The following HERC3 variants were observed in gnomAD, a reference collection of about 807,000 sequenced individuals.
The protein encoded by HERC3 is probable E3 ubiquitin-protein ligase HERC3.
In HERC3, 58 loss-of-function variants were observed where a neutral mutation model predicts 129.9. That is an observed-to-expected ratio of 0.45 (90% CI 0.36 to 0.56). The LOEUF (loss-of-function observed/expected upper bound fraction) is 0.56, where lower values mean the gene tolerates loss of function less well. HERC3 is among the 20% of genes least tolerant of loss of function. The probability of loss-of-function intolerance (pLI) is 0.00; values close to 1 mark genes in which losing one functional copy is unlikely to be tolerated. For synonymous variants in HERC3, 430 were observed against 451.0 expected (o/e 0.95, Z 0.59); for missense variants, 835 against 1,244.2 (o/e 0.67, Z 4.95).
chr4:88,704,843 G>A (rs1347597420), intron 25 of HERC3, among the ~76,000 whole-genome samples: 2 of 145,672 alleles, frequency 1.4e-5, no homozygotes, highest in Non-Finnish European at 1.5e-5. Context: ...GCATCTCACT[G>A]ATTTTTCTTT....
chr4:88,681,614 T>C (rs6820755), intron 21 of HERC3, among the ~76,000 whole-genome samples: 10,783 of 152,284 alleles, frequency 0.071, 574 homozygotes, highest in African/African-American at 0.15. Context: ...AACCCATGGA[T>C]TGGAAAAGTT....
chr4:88,594,475 C>T (rs1722117728), intron 1 of HERC3, among the ~76,000 whole-genome samples: 1 of 152,140 alleles, frequency 6.6e-6, no homozygotes, highest in Non-Finnish European at 1.5e-5. Context: ...GCGATCTCGG[C>T]TCACTGCAAC....
intron 2 of HERC3, among the ~76,000 whole-genome samples, chr4:88,602,678 C>T (rs919083779): frequency 6.6e-6 from 1 of 152,100 alleles, no homozygotes; most frequent in African/African-American, 2.4e-5. Flanking sequence ...TAAGGTCTCA[C>T]TGTGTTGCCC....
At chr4:88,692,276 G>T (rs914157890) in intron 23 of HERC3, among the ~76,000 whole-genome samples, 1 of 144,632 alleles carries the variant, frequency 6.9e-6, no homozygotes, top group African/African-American at 2.6e-5. Flanking sequence ...TTAATTTGAT[G>T]CAATCAAATT....
At chr4:88,529,900 T>C in the HERC3 span, among the ~76,000 whole-genome samples, 1 of 152,312 alleles carries the variant, frequency 6.6e-6, no homozygotes, top group Non-Finnish European at 1.5e-5. Context: ...AAGAATACTT[T>C]ATTTCAAAAC....
chr4:88,588,637 A>T (rs1477148414), upstream of HERC3, among the ~76,000 whole-genome samples: 1 of 152,240 alleles, frequency 6.6e-6, no homozygotes, highest in East Asian at 1.9e-4. Flanking sequence ...TTCATCCAAG[A>T]TATCAGAAAT....
At chr4:88,588,189 A>G (rs1050063353), upstream of HERC3, among the ~76,000 whole-genome samples, 2 of 152,264 alleles carry the variant, frequency 1.3e-5, no homozygotes, top group African/African-American at 4.8e-5. Context: ...CAAGGAAGAT[A>G]GAGAAATAAT....
the HERC3 span, among the ~76,000 whole-genome samples, chr4:88,569,003 A>G: frequency 2.0e-5 from 3 of 151,992 alleles, no homozygotes; most frequent in Non-Finnish European, 4.4e-5. Context: ...CCCCAAGTCC[A>G]CTGGTTCTGA....
chr4:88,660,131 A>C (rs909511763), intron 10 of HERC3, among the ~76,000 whole-genome samples: 7 of 152,182 alleles, frequency 4.6e-5, no homozygotes, highest in Non-Finnish European at 8.8e-5. Context: ...ACAGAGGCTG[A>C]TCAAATCATA....
chr4:88,548,365 A>G, the HERC3 span, among the ~76,000 whole-genome samples: 9 of 152,130 alleles, frequency 5.9e-5, no homozygotes, highest in African/African-American at 2.2e-4. Context: ...TCTTGTTATT[A>G]TCTTGTCTCC....
chr4:88,669,904 G>A lies in HERC3; in HGVS notation c.1678G>A (p.Val560Ile), dbSNP rs1188164793. 3 of 1,613,700 alleles carry A rather than the reference G, an allele frequency of 1.9e-6. No individual in the cohort carries two copies. Among genetic ancestry groups the A allele is most frequent in the Non-Finnish European group, 2.5e-6 (3 of 1,179,720 alleles). The change falls in exon 15 of 26, where the codon GTA (valine) becomes ATA (isoleucine). Residue 560 changes from valine to isoleucine, a missense_variant. Coordinates refer to ENST00000402738, the MANE Select transcript of HERC3 (RefSeq NM_014606.3). ...QVCPKYFMKLVNLYKGAVLYL... is the reference protein window; with the variant it reads ...QVCPKYFMKLINLYKGAVLYL... ...ATGCCCGAAATATTTCATGAAGCTG[G>A]TAAACCTCTATAAAGGTGCAGTCCT... is the stretch of plus-strand genomic sequence containing the variant.
chr4:88,693,901 A>G (rs1312693298), intron 23 of HERC3, among the ~76,000 whole-genome samples: 1 of 152,218 alleles, frequency 6.6e-6, no homozygotes, highest in Admixed American at 6.5e-5. Context: ...TGTTTGACCT[A>G]CCTTGAAGCA....
chr4:88,549,707 TTC>T, the HERC3 span, among the ~76,000 whole-genome samples: 8 of 149,874 alleles, frequency 5.3e-5, no homozygotes, highest in East Asian at 4.3e-4. Context: ...CTTTTTCTTT[TTC>T]TTTTTTTTCT....
chr4:88,582,302 C>T, the HERC3 span, among the ~76,000 whole-genome samples: 2 of 152,070 alleles, frequency 1.3e-5, no homozygotes, highest in African/African-American at 4.8e-5. Context: ...TGATGAGTTT[C>T]CTATGGGTAT....
intron 19 of HERC3, 101 bp from the exon 20 acceptor site, chr4:88,679,992 C>A: frequency 9.9e-7 from 1 of 1,006,988 alleles, no homozygotes; most frequent in Non-Finnish European, 1.4e-6. Context: ...CTTTGTTATG[C>A]TTTCCTTCCT....
At chr4:88,586,136 G>A in the HERC3 span, among the ~76,000 whole-genome samples, 1 of 152,166 alleles carries the variant, frequency 6.6e-6, no homozygotes, top group African/African-American at 2.4e-5. Context: ...TAGCTATGTT[G>A]CACAATTGTT....
At chr4:88,682,700 AC>A (rs1459359938) in intron 21 of HERC3, among the ~76,000 whole-genome samples, 18 of 152,210 alleles carry the variant, frequency 1.2e-4, no homozygotes, top group African/African-American at 4.3e-4. Context: ...TATGTGCCAC[AC>A]TTTCTTAATC....
At chr4:88,576,268 ACC>A in the HERC3 span, among the ~76,000 whole-genome samples, 1 of 151,628 alleles carries the variant, frequency 6.6e-6, no homozygotes, top group Non-Finnish European at 1.5e-5. Context: ...CTCCCCTTCC[ACC>A]CTTGCCGTCT....
chr4:88,687,181 A>G (rs1203048682), intron 22 of HERC3, 36 bp from the exon 23 acceptor site: 1 of 1,521,926 alleles, frequency 6.6e-7, no homozygotes, highest in Non-Finnish European at 9.1e-7. Flanking sequence ...ATGGTTAACA[A>G]AATTGAAATA....
Sources: gnomAD v4.1 joint callset for allele counts (sites outside exome capture counted in the v4.1 genomes callset) on GRCh38, gnomAD v4.1.1 for gene constraint, MANE v1.5 for transcripts, NCBI Gene and HGNC (gene_info 2026-07-23, HGNC 2026-07-21) for gene names.